The following ZMYM2 variants were observed in gnomAD, a reference collection of about 807,000 sequenced individuals.
ZMYM2 encodes the protein zinc finger MYM-type containing 2, also known as zinc finger MYM-type protein 2.
ZMYM2 carries 56 observed loss-of-function variants against 162.8 expected under a neutral mutation model. That is an observed-to-expected ratio of 0.34 (90% CI 0.28 to 0.43). ZMYM2 has a LOEUF of 0.43. Among genes scored for constraint, ZMYM2 ranks in the 20% least tolerant of loss-of-function variants. ZMYM2 has a pLI of 1.00. For missense variants in ZMYM2, 1,275 were observed against 1,621.8 expected, an observed-to-expected ratio of 0.79 and a Z score of 3.67; for synonymous variants, 510 against 541.6, an observed-to-expected ratio of 0.94 and a Z score of 0.81.
intron 21 of ZMYM2, among the ~76,000 whole-genome samples, chr13:20,081,540 T>A (rs1176038690): frequency 1.3e-5 from 2 of 152,148 alleles, no homozygotes; most frequent in East Asian, 3.8e-4. Context: ...AAAGTCAGAG[T>A]GCTAGAAGAG....
At chr13:19,882,258 A>G in the ZMYM2 span, among the ~76,000 whole-genome samples, 11 of 152,288 alleles carry the variant, frequency 7.2e-5, no homozygotes, top group Admixed American at 3.9e-4. Flanking sequence ...ATGGGAGAAT[A>G]TATTTGCAAA....
At chr13:19,895,076 C>CAAAAA in the ZMYM2 span, among the ~76,000 whole-genome samples, 9 of 83,666 alleles carry the variant, frequency 1.1e-4, no homozygotes, top group East Asian at 3.8e-4. Flanking sequence ...AACTCCATCT[C>CAAAAA]AAAAAAAAAA....
At chr13:19,918,522 C>T in the ZMYM2 span, among the ~76,000 whole-genome samples, 9 of 94,820 alleles carry the variant, frequency 9.5e-5, no homozygotes, top group East Asian at 3.0e-4. Context: ...TTTTTTGAGA[C>T]GGAGCTTTTG....
intron 10 of ZMYM2, 69 bp from the exon 11 acceptor site, chr13:20,034,185 G>T: frequency 2.3e-6 from 3 of 1,314,668 alleles, no homozygotes; most frequent in Non-Finnish European, 3.0e-6. Context: ...CTTTGCTTCT[G>T]TAAAAGTGGC....
chr13:19,968,375 T>C (rs550543862), intron 2 of ZMYM2, among the ~76,000 whole-genome samples: 5 of 152,120 alleles, frequency 3.3e-5, no homozygotes, highest in Non-Finnish European at 7.4e-5. Flanking sequence ...CCCGAGTAGC[T>C]GGGACTACAG....
intron 12 of ZMYM2, among the ~76,000 whole-genome samples, chr13:20,044,706 A>G (rs1161593561): frequency 6.6e-6 from 1 of 152,212 alleles, no homozygotes; most frequent in Non-Finnish European, 1.5e-5. Context: ...TGTTGATAAC[A>G]TGGAAAACCA....
chr13:19,928,796 CAA>C, the ZMYM2 span, among the ~76,000 whole-genome samples: 259 of 112,120 alleles, frequency 2.3e-3, 1 homozygote, highest in African/African-American at 7.2e-3. Context: ...GACTCTGTCT[CAA>C]AAAAAAAAAA....
At position 19,975,176 on chromosome 13, in the gene ZMYM2, T is replaced by TA. The variant is rs11291950; in HGVS notation, c.-11+15166dup. 1.6e-3 allele frequency among the ~76,000 whole-genome samples: 231 copies of TA among 142,382 alleles called. 1 individual carries two copies. The highest frequency in any genetic ancestry group is 3.6e-3 in the Middle Eastern group (1 of 274). The allele number at this position is 142,382 out of a possible 152,430, so 93.4% of individuals were successfully genotyped here. Reference sequence around the variant, plus strand: ...TCCCCCATATGGTGTCTTCTTTTCTTAAAAAAAAAAAAAAAAGTATAGTAA... The same window carrying TA: ...TCCCCCATATGGTGTCTTCTTTTCTTAAAAAAAAAAAAAAAAAGTATAGTAA... On this transcript the variant is annotated intron_variant, in intron 2 of 24. Transcript: ENST00000610343.
At chr13:19,905,436 G>GT in the ZMYM2 span, among the ~76,000 whole-genome samples, 1 of 152,174 alleles carries the variant, frequency 6.6e-6, no homozygotes, top group Non-Finnish European at 1.5e-5. Flanking sequence ...ACCTGGAAGT[G>GT]TGCCTTGTAT....
chr13:20,056,952 C>G (rs3794384), intron 14 of ZMYM2, among the ~76,000 whole-genome samples: 8,460 of 152,080 alleles, frequency 0.056, 262 homozygotes, highest in Middle Eastern at 0.092. Flanking sequence ...GTAAGAAAAT[C>G]ACTGACACTG....
the ZMYM2 span, among the ~76,000 whole-genome samples, chr13:19,904,875 T>C: frequency 2.6e-5 from 4 of 152,236 alleles, no homozygotes; most frequent in Non-Finnish European, 4.4e-5. Flanking sequence ...TAATTCCTTT[T>C]TAAGCAGAAT....
chr13:20,073,749 A>G (rs545250795), intron 21 of ZMYM2, among the ~76,000 whole-genome samples: 1 of 152,332 alleles, frequency 6.6e-6, no homozygotes, highest in South Asian at 2.1e-4. Context: ...TTAAATAATT[A>G]GGACTTCAAT....
chr13:20,037,234 T>C (rs1229590295), intron 12 of ZMYM2, among the ~76,000 whole-genome samples: 1 of 148,492 alleles, frequency 6.7e-6, no homozygotes, highest in Non-Finnish European at 1.5e-5. Context: ...TTTTTTTTTT[T>C]TTTGAGATGA....
chr13:20,016,171 T>A (rs544812613), intron 6 of ZMYM2, among the ~76,000 whole-genome samples: 1 of 152,210 alleles, frequency 6.6e-6, no homozygotes, highest in Non-Finnish European at 1.5e-5. Flanking sequence ...GTATTGTTTT[T>A]AAATATATTA....
At chr13:19,926,677 TTA>T in the ZMYM2 span, among the ~76,000 whole-genome samples, 1 of 151,290 alleles carries the variant, frequency 6.6e-6, no homozygotes, top group South Asian at 2.1e-4. Flanking sequence ...ATTTTTATTT[TTA>T]GTTTTCAAGA....
chr13:20,018,109 C>T (rs975798015), intron 6 of ZMYM2, among the ~76,000 whole-genome samples: 1 of 152,270 alleles, frequency 6.6e-6, no homozygotes, highest in East Asian at 1.9e-4. Context: ...TGGCTCCTTT[C>T]TGGACATTAG....
At chr13:19,875,739 A>C in the ZMYM2 span, among the ~76,000 whole-genome samples, 1 of 151,914 alleles carries the variant, frequency 6.6e-6, no homozygotes, top group Non-Finnish European at 1.5e-5. Flanking sequence ...AAAACCAAAT[A>C]CTGCGTGTTC....
chr13:20,071,626 C>T (rs971331024), intron 21 of ZMYM2, among the ~76,000 whole-genome samples: 1 of 152,212 alleles, frequency 6.6e-6, no homozygotes, highest in African/African-American at 2.4e-5. Context: ...TCTCTCTTTC[C>T]ACCTGAGACC....
intron 10 of ZMYM2, 115 bp from the exon 11 acceptor site, chr13:20,034,139 C>T: frequency 1.0e-6 from 1 of 963,866 alleles, no homozygotes; most frequent in South Asian, 3.4e-5. Context: ...AAATCTATCC[C>T]CAAGGGTCTT....
Sources: gnomAD v4.1 joint callset for allele counts (sites outside exome capture counted in the v4.1 genomes callset) on GRCh38, gnomAD v4.1.1 for gene constraint, MANE v1.5 for transcripts, NCBI Gene and HGNC (gene_info 2026-07-23, HGNC 2026-07-21) for gene names.